Variants in HAPLN1 observed in about 807,000 individuals in gnomAD.
The protein encoded by HAPLN1 is Cartilage link protein.
In HAPLN1, 13 loss-of-function variants were observed where a neutral mutation model predicts 36.5. That is an observed-to-expected ratio of 0.36 (90% CI 0.23 to 0.57). HAPLN1 has a LOEUF of 0.57. HAPLN1 is among the 20% of genes least tolerant of loss of function. The pLI, the probability that HAPLN1 is intolerant of heterozygous loss-of-function variation, is 0.83. For missense variants in HAPLN1, 407 were observed against 439.7 expected, an observed-to-expected ratio of 0.93 and a Z score of 0.66; for synonymous variants, 202 against 169.8, an observed-to-expected ratio of 1.19 and a Z score of -1.48.
intron 2 of HAPLN1, among the ~76,000 whole-genome samples, chr5:83,659,802 T>G (rs1750331338): frequency 6.6e-6 from 1 of 152,184 alleles, no homozygotes; most frequent in Admixed American, 6.5e-5. Context: ...CACATTTCCC[T>G]ATTTTTTAAA....
intron 1 of HAPLN1, among the ~76,000 whole-genome samples, chr5:83,713,515 C>T (rs943787055): frequency 5.9e-5 from 9 of 152,124 alleles, no homozygotes; most frequent in Non-Finnish European, 1.0e-4. Flanking sequence ...CTGGGATGAT[C>T]GATCCCTTCT....
chr5:83,642,221 A>G (rs148825062), intron 4 of HAPLN1, among the ~76,000 whole-genome samples: 21 of 152,150 alleles, frequency 1.4e-4, no homozygotes, highest in Non-Finnish European at 2.5e-4. Context: ...TCCTGACATA[A>G]AAGTCCATTT....
chr5:83,681,975 A>G (rs989911364), intron 1 of HAPLN1, among the ~76,000 whole-genome samples: 1 of 152,212 alleles, frequency 6.6e-6, no homozygotes, highest in African/African-American at 2.4e-5. Flanking sequence ...AGTTTTTAAA[A>G]TAAGATTTCT....
At chr5:83,689,830 G>A (rs1392995259) in intron 1 of HAPLN1, among the ~76,000 whole-genome samples, 2 of 151,976 alleles carry the variant, frequency 1.3e-5, no homozygotes, top group African/African-American at 4.8e-5. Flanking sequence ...CAAATTAATG[G>A]CTAATTCTAA....
In HAPLN1 at chr5:83,640,368, C is replaced by G. The variant is rs1040480506; in HGVS notation, c.*1128G>C. ...CCAGCAAGGAAAGTGACATCATTAA[C>G]CACATTTTCTGTTTGGGATAAGGTT... On this transcript the variant is annotated 3_prime_UTR_variant, in exon 5 of 5. Coordinates refer to ENST00000274341, the MANE Select transcript of HAPLN1 (RefSeq NM_001884.4). 2 of 152,094 alleles carry G rather than the reference C, an allele frequency of 1.3e-5. No homozygotes were observed. Among genetic ancestry groups the G allele is most frequent in the African/African-American group, 2.4e-5 (1 of 41,418 alleles). The allele number at this position is 152,094 out of a possible 1,614,324, so 9.4% of individuals were successfully genotyped here.
chr5:83,683,048 G>C (rs1751044232), intron 1 of HAPLN1, among the ~76,000 whole-genome samples: 1 of 152,066 alleles, frequency 6.6e-6, no homozygotes, highest in Non-Finnish European at 1.5e-5. Flanking sequence ...AAGAACAAAA[G>C]ATTTTAAAAC....
chr5:83,706,027 C>A (rs1208716555), intron 1 of HAPLN1, among the ~76,000 whole-genome samples: 3 of 151,078 alleles, frequency 2.0e-5, no homozygotes, highest in African/African-American at 7.3e-5. Context: ...TAGAACTAAA[C>A]CTGGAATAAA....
rs1027436774 is a variant in HAPLN1 at position 83,638,396 on chromosome 5, T to G, written c.*3100A>C. The stretch of plus-strand genomic sequence containing the variant: ...TATTTTTCATCTCTTTCGTTGTACA[T>G]CCATTGCCGCTCTGGCAGTAGTGAG... On this transcript the variant is annotated 3_prime_UTR_variant, in exon 5 of 5. Coordinates refer to ENST00000274341, the MANE Select transcript of HAPLN1 (RefSeq NM_001884.4). 1 of 152,054 alleles carries G rather than the reference T, an allele frequency of 6.6e-6. No homozygotes were observed. The highest frequency in any genetic ancestry group is 2.4e-5 in the African/African-American group (1 of 41,442). The allele number at this position is 152,054 out of a possible 1,614,324, so 9.4% of individuals were successfully genotyped here.
At chr5:83,697,547 C>G (rs116051955) in intron 1 of HAPLN1, among the ~76,000 whole-genome samples, 1,536 of 152,154 alleles carry the variant, frequency 0.01, 8 homozygotes, top group Middle Eastern at 0.017. Context: ...GAATTCTGGG[C>G]CTTATCTACC....
chr5:83,658,743 C>G (rs544524989), intron 2 of HAPLN1, among the ~76,000 whole-genome samples: 1 of 152,124 alleles, frequency 6.6e-6, no homozygotes, highest in Non-Finnish European at 1.5e-5. Flanking sequence ...CTAATCAGAT[C>G]GCATCAGAAA....
intron 1 of HAPLN1, among the ~76,000 whole-genome samples, chr5:83,710,206 T>C (rs897691657): frequency 7.2e-5 from 11 of 152,098 alleles, no homozygotes; most frequent in African/African-American, 1.9e-4. Flanking sequence ...AGGGAGAATA[T>C]GTAGGGTGGG....
In HAPLN1 at chr5:83,644,379, A is replaced by T; in HGVS notation, c.759T>A (p.Phe253Leu). The T allele has an allele frequency of 6.4e-7, 1 of 1,562,686 alleles. No individual in the cohort carries two copies. Among genetic ancestry groups the T allele is most frequent in the Non-Finnish European group, 8.7e-7 (1 of 1,155,372 alleles). Residue 253 changes from phenylalanine to leucine, a missense_variant, in exon 4 of 5, where the codon TTT (phenylalanine) becomes TTA (leucine). Transcript: ENST00000274341. ...KDKSRYDVFC[F>L]TSNFNGRFYY... Reference sequence around the variant, plus strand: ...TTATCTTACCATTGAAATTGGATGTAAAACAGAAAACATCATATCTGCTTT... The same window carrying T: ...TTATCTTACCATTGAAATTGGATGTTAAACAGAAAACATCATATCTGCTTT...
intron 3 of HAPLN1, among the ~76,000 whole-genome samples, chr5:83,649,886 C>G (rs948721954): frequency 6.6e-6 from 1 of 152,174 alleles, no homozygotes; most frequent in Admixed American, 6.5e-5. Context: ...GTTCTTGGCA[C>G]TTGAATGTCC....
intron 1 of HAPLN1, among the ~76,000 whole-genome samples, chr5:83,687,802 C>T (rs1751168418): frequency 6.6e-6 from 1 of 152,054 alleles, no homozygotes; most frequent in East Asian, 1.9e-4. Flanking sequence ...TGGAATATCC[C>T]ATTGTTTTTG....
At chr5:83,690,107 G>T (rs1580153066) in intron 1 of HAPLN1, among the ~76,000 whole-genome samples, 1 of 152,110 alleles carries the variant, frequency 6.6e-6, no homozygotes, top group Middle Eastern at 3.4e-3. Context: ...AAATAGGAAG[G>T]CTACGTGGGA....
chr5:83,660,200 T>C (rs928582067), intron 2 of HAPLN1, among the ~76,000 whole-genome samples: 1 of 152,162 alleles, frequency 6.6e-6, no homozygotes, highest in Non-Finnish European at 1.5e-5. Context: ...CATTTTCTCT[T>C]TCCTTAGAGC....
intron 2 of HAPLN1, among the ~76,000 whole-genome samples, chr5:83,673,159 C>A (rs1750771656): frequency 6.6e-6 from 1 of 152,200 alleles, no homozygotes; most frequent in Non-Finnish European, 1.5e-5. Context: ...TTGAAGATAG[C>A]AACTGCACTT....
chr5:83,661,246 A>G (rs988219820), intron 2 of HAPLN1, among the ~76,000 whole-genome samples: 1 of 145,632 alleles, frequency 6.9e-6, no homozygotes, highest in South Asian at 2.2e-4. Context: ...CTATCCATCT[A>G]TATCTACATT....
Position 83,652,780 on chromosome 5 carries a change from C to G in HAPLN1, c.145G>C (p.Val49Leu), listed in dbSNP as rs770115705. The change falls in exon 3 of 5, where the codon GTG becomes CTG. Residue 49 changes from valine (V) to leucine (L), a missense_variant. Transcript: ENST00000274341. ...HLLVEAEQAK[V>L]FSHRGGNVTL... ...ACATTGCCACCTCTGTGTGAAAACA[C>G]CTTGGCTTGCTCTGCTTCCACAAGT... The G allele has an allele frequency of 6.2e-7, 1 of 1,612,418 alleles. No individual in the cohort carries two copies. Among genetic ancestry groups the G allele is most frequent in the Non-Finnish European group, 8.5e-7 (1 of 1,178,646 alleles).
Sources: allele counts gnomAD v4.1 joint callset (sites outside exome capture counted in the v4.1 genomes callset), GRCh38; gene constraint gnomAD v4.1.1; transcripts MANE v1.5; gene names NCBI Gene and HGNC (gene_info 2026-07-23, HGNC 2026-07-21).